The following ATG4C variants were observed in gnomAD, a reference collection of about 807,000 sequenced individuals.
ATG4C encodes autophagy related 4C cysteine peptidase.
ATG4C carries 56 observed loss-of-function variants against 57.6 expected under a neutral mutation model. That is an observed-to-expected ratio of 0.97 (90% CI 0.78 to 1.21). The LOEUF (loss-of-function observed/expected upper bound fraction) is 1.21, where lower values mean the gene tolerates loss of function less well. ATG4C is among the 50% of genes most tolerant of loss of function. The pLI is 0.00. For missense variants in ATG4C, 595 were observed against 529.8 expected, an observed-to-expected ratio of 1.12 and a Z score of -1.21; for synonymous variants, 157 against 174.1, an observed-to-expected ratio of 0.90 and a Z score of 0.78.
Position 62,801,958 on chromosome 1 carries a change from C to CAAA in ATG4C, c.-68-1736_-68-1734dup, listed in dbSNP as rs60298362. Among the ~76,000 whole-genome samples the CAAA allele has an allele frequency of 1.5e-3, 78 of 51,888 alleles. 4 individuals are homozygous for CAAA. The highest frequency in any genetic ancestry group is 3.8e-3 in the African/African-American group (61 of 16,036). 34.0% of individuals were successfully genotyped at this position (51,888 alleles called of 152,430 possible). On this transcript the variant is annotated intron_variant, in intron 1 of 10. Coordinates refer to ENST00000317868, the MANE Select transcript of ATG4C (RefSeq NM_032852.4). ...GGGGGACAGAGCAAGACTCTGTCTC[C>CAAA]AAAAAAAAAAAAAAAAAAAAAAAAA...
chr1:62,851,485 G>A (rs1666519180), intron 10 of ATG4C, among the ~76,000 whole-genome samples: 2 of 152,064 alleles, frequency 1.3e-5, no homozygotes, highest in African/African-American at 4.8e-5. Flanking sequence ...ATCATTGATA[G>A]GTTCTTGGAA....
intron 5 of ATG4C, among the ~76,000 whole-genome samples, chr1:62,820,784 T>C (rs374590325): frequency 4.6e-5 from 7 of 152,210 alleles, no homozygotes; most frequent in South Asian, 2.1e-4. Flanking sequence ...TAGTCAGTAA[T>C]GTAAGTTAAT....
At chr1:62,816,891 C>A in intron 4 of ATG4C, 83 bp downstream of exon 4, 1 of 1,076,026 alleles carries the variant, frequency 9.3e-7, no homozygotes, top group Non-Finnish European at 1.3e-6. Context: ...AGCTTACAAA[C>A]TGCATGAAAT....
intron 1 of ATG4C, among the ~76,000 whole-genome samples, chr1:62,797,397 A>T (rs1050329350): frequency 1.8e-4 from 28 of 152,304 alleles, no homozygotes; most frequent in African/African-American, 6.7e-4. Flanking sequence ...AAGAGTTAAT[A>T]ATTTGAGAAA....
At chr1:62,830,812 T>C (rs1265908316) in intron 7 of ATG4C, among the ~76,000 whole-genome samples, 1 of 152,186 alleles carries the variant, frequency 6.6e-6, no homozygotes, top group Non-Finnish European at 1.5e-5. Context: ...GTTAAGCTGT[T>C]AAAGTGAAGC....
Position 62,852,401 on chromosome 1 carries a change from A to C in ATG4C, c.1209+10854A>C, listed in dbSNP as rs148361597. Among the ~76,000 whole-genome samples the C allele has an allele frequency of 1.2e-3, 176 of 151,984 alleles. 1 individual carries two copies. The Middle Eastern group carries it at 0.017, about 15-fold the overall frequency. On this transcript the variant is annotated intron_variant, in intron 10 of 10. Coordinates refer to ENST00000317868, the MANE Select transcript of ATG4C (RefSeq NM_032852.4). ...TCTTCATGAACATTATAATCACACA[A>C]TGTTGAACAAAATGACATTATTTGG...
At chr1:62,847,231 A>AAGAC (rs146114311) in intron 10 of ATG4C, among the ~76,000 whole-genome samples, 1 of 151,574 alleles carries the variant, frequency 6.6e-6, no homozygotes, top group African/African-American at 2.4e-5. Flanking sequence ...GAATAAATAA[A>AAGAC]AAACAGAAAC....
intron 5 of ATG4C, among the ~76,000 whole-genome samples, chr1:62,819,927 A>G (rs188771470): frequency 6.6e-6 from 1 of 152,000 alleles, no homozygotes; most frequent in Non-Finnish European, 1.5e-5. Context: ...CCAAGTTTTT[A>G]AAAAAATTAT....
rs189804949 is a variant in ATG4C at position 62,832,747 on chromosome 1, A to G, written c.934-1291A>G. On this transcript the variant is annotated intron_variant, in intron 7 of 10. Transcript: ENST00000317868. ...AAACTATAGTGGAGGGTTACTTATA[A>G]CAGTGAGAACTTGGAATGACTTAAA... 2.0e-4 allele frequency among the ~76,000 whole-genome samples: 31 copies of G among 152,268 alleles called. No individual in the cohort carries two copies. The East Asian group carries it at 5.0e-3, about 25-fold the overall frequency.
At chr1:62,861,263 A>T (rs1666842655) in intron 10 of ATG4C, among the ~76,000 whole-genome samples, 1 of 152,134 alleles carries the variant, frequency 6.6e-6, no homozygotes, top group Non-Finnish European at 1.5e-5. Flanking sequence ...TTCGAAAAAT[A>T]GGCTGGCCGT....
chr1:62,789,083 G>C (rs989137587), intron 1 of ATG4C, among the ~76,000 whole-genome samples: 2 of 152,072 alleles, frequency 1.3e-5, no homozygotes, highest in African/African-American at 4.8e-5. Flanking sequence ...ATTCTGTTTT[G>C]CAGGTTTTGT....
intron 10 of ATG4C, among the ~76,000 whole-genome samples, chr1:62,854,554 G>C (rs1572175591): frequency 6.6e-6 from 1 of 152,212 alleles, no homozygotes; most frequent in East Asian, 1.9e-4. Flanking sequence ...TGGGATTACA[G>C]GCATGAGCCA....
chr1:62,861,757 TTA>T (rs1369375533), intron 10 of ATG4C, among the ~76,000 whole-genome samples: 3 of 152,190 alleles, frequency 2.0e-5, no homozygotes, highest in Admixed American at 6.5e-5. Flanking sequence ...TTTTATAGCT[TTA>T]TATCTTTTTT....
chr1:62,808,272 A>C (rs1664945219), intron 3 of ATG4C, among the ~76,000 whole-genome samples: 1 of 152,208 alleles, frequency 6.6e-6, no homozygotes, highest in Non-Finnish European at 1.5e-5. Context: ...GGGTCTTCAG[A>C]GACAGAGAGG....
rs114662203 is a variant in ATG4C, at chr1:62,810,698, C to T, written c.160+5443C>T. Among the ~76,000 whole-genome samples, 1,259 of 148,506 alleles carry T rather than the reference C, an allele frequency of 8.5e-3. 36 individuals carry two copies. The highest frequency in any genetic ancestry group is 0.029 in the African/African-American group (1,176 of 40,194). On this transcript the variant is annotated intron_variant, in intron 3 of 10. Coordinates refer to ENST00000317868, the MANE Select transcript of ATG4C (RefSeq NM_032852.4). ...TATCAGATAGGAAGCTAGCAATTTC[C>T]CATTGAGTCCTTGTTTTTTTTTTTT...
At chr1:62,829,272 AT>A in intron 7 of ATG4C, 96 bp downstream of exon 7, 1 of 1,372,998 alleles carries the variant, frequency 7.3e-7, no homozygotes, top group Non-Finnish European at 1.0e-6. Flanking sequence ...AGTAGTGATG[AT>A]TTTGTAGTTG....
Position 62,819,249 on chromosome 1 carries a change from C to T in ATG4C, c.639C>T (p.Gly213=), listed in dbSNP as rs756872355. The T allele has an allele frequency of 1.9e-6, 3 of 1,613,342 alleles. No homozygotes were observed. The highest frequency in any genetic ancestry group is 2.5e-6 in the Non-Finnish European group (3 of 1,179,686). ...WFGDSPLALF[G]LHQLIEYGKK... is the part of the protein sequence containing the mutation. ...GTGATTCCCCCTTGGCTCTTTTTGG[C>T]TTACATCAACTAATAGAATATGGAA... The change falls in exon 5 of 11, where the codon GGC becomes GGT. Residue 213 remains glycine, a synonymous_variant. Coordinates refer to ENST00000317868, the MANE Select transcript of ATG4C (RefSeq NM_032852.4).
chr1:62,793,570 C>T (rs1664357068), intron 1 of ATG4C, among the ~76,000 whole-genome samples: 1 of 121,906 alleles, frequency 8.2e-6, no homozygotes, highest in East Asian at 2.8e-4. Context: ...GCACTCCAGC[C>T]TGGGCAACAG....
At position 62,819,303 on chromosome 1, in the gene ATG4C, G is replaced by A; in HGVS notation, c.693G>A (p.Trp231Ter). 1 of 1,608,242 alleles carries A rather than the reference G, an allele frequency of 6.2e-7. No individual in the cohort carries two copies. Among genetic ancestry groups the A allele is most frequent in the Non-Finnish European group, 8.5e-7 (1 of 1,178,200 alleles). The part of the protein sequence containing the change: ...GKKSGKKAGD[W>*]YGPAVVAHIL... ...AGTCTGGGAAAAAAGCAGGAGATTG[G>A]TATGGACCAGCTGTGGTTGCTCACA... Residue 231 changes from tryptophan to a stop codon, truncating the protein, a stop_gained, in exon 5 of 11, where the codon TGG becomes TGA. Transcript: ENST00000317868. LOFTEE classifies it high-confidence loss of function.
Sources: gnomAD v4.1 joint callset for allele counts (sites outside exome capture counted in the v4.1 genomes callset) on GRCh38, gnomAD v4.1.1 for gene constraint, MANE v1.5 for transcripts, NCBI Gene and HGNC (gene_info 2026-07-23, HGNC 2026-07-21) for gene names.